The following TNNT3 variants were observed in gnomAD, a reference collection of about 807,000 sequenced individuals.
The protein encoded by TNNT3 is troponin T3, fast skeletal type.
A neutral mutation model predicts 54.2 loss-of-function variants in TNNT3; 36 were observed. That is an observed-to-expected ratio of 0.66 (90% CI 0.51 to 0.88). The LOEUF (loss-of-function observed/expected upper bound fraction) is 0.88. Ranked by LOEUF, TNNT3 falls within the 40% of genes least tolerant of loss-of-function variation. TNNT3 has a pLI of 0.00. For synonymous variants in TNNT3, 120 were observed against 109.7 expected, an observed-to-expected ratio of 1.09 and a Z score of -0.59; for missense variants, 291 against 331.6, an observed-to-expected ratio of 0.88 and a Z score of 0.95.
At chr11:1,934,233 T>C (rs1416072642) in intron 11 of TNNT3, 99 bp from the exon 12 acceptor site, 1 of 1,215,486 alleles carries the variant, frequency 8.2e-7, no homozygotes, top group Non-Finnish European at 1.2e-6. Flanking sequence ...GGGTGGGCCC[T>C]TCCAGACAGC....
At chr11:1,935,018 C>T in intron 14 of TNNT3, 99 bp downstream of exon 14, 1 of 1,164,180 alleles carries the variant, frequency 8.6e-7, no homozygotes, top group Non-Finnish European at 1.3e-6. Flanking sequence ...GACCTGCCCA[C>T]CCCAGGGACC....
chr11:1,923,574 T>C lies in TNNT3; in HGVS notation c.49+2T>C. 1 of 1,613,442 alleles carries C rather than the reference T, an allele frequency of 6.2e-7. No homozygotes were observed. Among genetic ancestry groups the C allele is most frequent in the Non-Finnish European group, 8.5e-7 (1 of 1,179,784 alleles). On this transcript the variant is annotated splice_donor_variant, in intron 4 of 15. Coordinates refer to ENST00000278317, the MANE Select transcript of TNNT3 (RefSeq NM_006757.4). LOFTEE classifies it high-confidence loss of function. Reference sequence around the variant, plus strand: ...ATGCAGAGCAGTACGAAGAAGAAGGTAATTCTGGCAACCACCGGAAGCCCC... The same window carrying C: ...ATGCAGAGCAGTACGAAGAAGAAGGCAATTCTGGCAACCACCGGAAGCCCC...
At chr11:1,938,109 C>T (rs1167774355) in intron 15 of TNNT3, 6 of 381,408 alleles carry the variant, frequency 1.6e-5, no homozygotes, top group Non-Finnish European at 2.5e-5. Flanking sequence ...CAAGGCCAAG[C>T]GTCTAGGATT....
chr11:1,932,807 T>C (rs1853789618), intron 9 of TNNT3, among the ~76,000 whole-genome samples: 1 of 147,714 alleles, frequency 6.8e-6, no homozygotes, highest in African/African-American at 2.5e-5. Context: ...CACTCAACCA[T>C]CTATCCATCC....
At chr11:1,934,795 A>C in intron 13 of TNNT3, 34 bp from the exon 14 acceptor site, 2 of 1,608,942 alleles carry the variant, frequency 1.2e-6, no homozygotes, top group Non-Finnish European at 1.7e-6. Context: ...TTTGGGGCTT[A>C]TTCAACGAAG....
At chr11:1,933,674 A>G in intron 9 of TNNT3, 47 bp from the exon 10 acceptor site, 1 of 1,478,188 alleles carries the variant, frequency 6.8e-7, no homozygotes, top group Non-Finnish European at 9.5e-7. Flanking sequence ...GGCAGGGCAG[A>G]GGTTGGAGAG....
chr11:1,935,862 C>G (rs1854868712), intron 14 of TNNT3, among the ~76,000 whole-genome samples: 1 of 152,140 alleles, frequency 6.6e-6, no homozygotes, highest in Non-Finnish European at 1.5e-5. Flanking sequence ...GGCAGGCCAC[C>G]TGTTCCACCT....
rs766438980 is a variant in TNNT3, at chr11:1,938,481, C to T, written c.766C>T (p.Arg256Cys). ...GTPAKGKVGG[R>C]WK Reference sequence around the variant, plus strand: ...CCCAGCCAAGGGCAAAGTCGGCGGGCGCTGGAAGTAGAGAGGCCAGAAAGG... The same window carrying T: ...CCCAGCCAAGGGCAAAGTCGGCGGGTGCTGGAAGTAGAGAGGCCAGAAAGG... Residue 256 changes from arginine (R) to cysteine (C), a missense_variant, in exon 16 of 16, where the codon CGC becomes TGC. Physicochemically the swap from Arg to Cys is radical, Grantham distance 180. Coordinates refer to ENST00000278317, the MANE Select transcript of TNNT3 (RefSeq NM_006757.4). 8 of 1,613,324 alleles carry T rather than the reference C, an allele frequency of 5.0e-6. No individual in the cohort carries two copies. Among genetic ancestry groups the T allele is most frequent in the East Asian group, 2.2e-5 (1 of 44,852 alleles).
chr11:1,938,653 C>G lies in TNNT3; in HGVS notation c.*161C>G. 1.3e-6 allele frequency: 1 copy of G among 741,566 alleles called. No homozygotes were observed. Among genetic ancestry groups the G allele is most frequent in the South Asian group, 1.5e-5 (1 of 67,596 alleles). 45.9% of individuals were successfully genotyped at this position (741,566 alleles called of 1,614,324 possible). ...CCCGGGGCGTCCCCCGCGTCTGTGT[C>G]CTTGCTGCCTTCATCCCCTGGGGCC... is the stretch of plus-strand genomic sequence containing the variant. On this transcript the variant is annotated 3_prime_UTR_variant, in exon 16 of 16. Transcript: ENST00000278317.
intron 1 of TNNT3, 153 bp from the exon 2 acceptor site, chr11:1,922,704 G>A (rs1850368224): frequency 1.4e-6 from 1 of 717,430 alleles, no homozygotes; most frequent in Non-Finnish European, 2.5e-6. Flanking sequence ...GCCCAAGGAG[G>A]TGGACTCACC....
intron 14 of TNNT3, chr11:1,936,126 A>T: frequency 6.9e-7 from 1 of 1,455,466 alleles, no homozygotes; most frequent in African/African-American, 1.4e-5. Flanking sequence ...CAGAGCCTGG[A>T]GGGCCATCAC....
intron 6 of TNNT3, among the ~76,000 whole-genome samples, chr11:1,927,070 G>A (rs949060169): frequency 1.3e-5 from 2 of 152,206 alleles, no homozygotes; most frequent in Non-Finnish European, 2.9e-5. Flanking sequence ...CCACCAGGGT[G>A]GGGTGGGAAG....
chr11:1,928,772 G>C (rs1181415659), intron 6 of TNNT3, among the ~76,000 whole-genome samples: 1 of 152,174 alleles, frequency 6.6e-6, no homozygotes, highest in Non-Finnish European at 1.5e-5. Flanking sequence ...AGATGCCAAG[G>C]TTGGCCCTGC....
intron 6 of TNNT3, among the ~76,000 whole-genome samples, chr11:1,926,947 G>A (rs1206461893): frequency 6.6e-6 from 1 of 152,196 alleles, no homozygotes; most frequent in Non-Finnish European, 1.5e-5. Context: ...GGGACAATGA[G>A]GCCCTTCCTG....
intron 1 of TNNT3, among the ~76,000 whole-genome samples, chr11:1,920,705 C>T (rs1395714753): frequency 6.6e-6 from 1 of 152,146 alleles, no homozygotes; most frequent in Non-Finnish European, 1.5e-5. Context: ...TGCATACGTG[C>T]CCGAAGAAAC....
chr11:1,936,881 C>T (rs60298512), intron 14 of TNNT3, 82 bp from the exon 15 acceptor site: 1 of 1,448,146 alleles, frequency 6.9e-7, no homozygotes, highest in African/African-American at 1.4e-5. Context: ...CCAGCCCACC[C>T]TGCGGTGGAG....
intron 1 of TNNT3, chr11:1,921,763 G>C (rs1323408664): frequency 6.6e-6 from 1 of 152,230 alleles, no homozygotes; most frequent in African/African-American, 2.4e-5. Flanking sequence ...CACTCCCAGG[G>C]GGGACCGTAG....
Position 1,934,455 on chromosome 11 carries a change from G to A in TNNT3, c.480+10G>A, listed in dbSNP as rs188255267. ...CAGCTACCTGGCCAAGGTGTGTGCCGCTGCTGGGAGCACGGTGGTAGCCTT... is the reference window on the plus strand; with the variant it reads ...CAGCTACCTGGCCAAGGTGTGTGCCACTGCTGGGAGCACGGTGGTAGCCTT... On this transcript the variant is annotated intron_variant, in intron 12 of 15. Transcript: ENST00000278317. The A allele has an allele frequency of 1.4e-5, 22 of 1,612,154 alleles. No homozygotes were observed. The highest frequency in any genetic ancestry group is 3.3e-5 in the Admixed American group (2 of 59,882).
Position 1,922,634 on chromosome 11 carries a change from G to A in TNNT3, c.-18-223G>A. The A allele has an allele frequency of 1.0e-5, 6 of 602,754 alleles. No individual in the cohort carries two copies. In the South Asian group the frequency reaches 1.2e-4, roughly 12 times the overall value. The allele number at this position is 602,754 out of a possible 1,614,324, so 37.3% of individuals were successfully genotyped here. A position where few individuals can be genotyped will look rare whatever the true frequency, so the allele number is the denominator to read the frequency against. ...CCAGTCTGGAGCCAGGGCAGGAAGA[G>A]GGGACAGAGTCTGGGGCGCCAAGAG... On this transcript the variant is annotated intron_variant, in intron 1 of 15. Transcript: ENST00000278317.
Sources: allele counts gnomAD v4.1 joint callset (sites outside exome capture counted in the v4.1 genomes callset), GRCh38; gene constraint gnomAD v4.1.1; transcripts MANE v1.5; gene names NCBI Gene and HGNC (gene_info 2026-07-23, HGNC 2026-07-21).